The following BCAT1 variants were observed in gnomAD, a reference collection of about 807,000 sequenced individuals.
BCAT1 encodes branched chain amino acid transaminase 1.
In BCAT1, 48 loss-of-function variants were observed where a neutral mutation model predicts 52.4. That is an observed-to-expected ratio of 0.92 (90% confidence interval 0.73 to 1.16). BCAT1 has a LOEUF of 1.16. BCAT1 is among the 50% of genes most tolerant of loss of function. The pLI is 0.00. For synonymous variants in BCAT1, 167 were observed against 161.3 expected (o/e 1.04, Z -0.27); for missense variants, 451 against 457.1 (o/e 0.99, Z 0.12).
intron 1 of BCAT1, among the ~76,000 whole-genome samples, chr12:24,939,902 T>C (rs1465793897): frequency 1.3e-5 from 2 of 152,220 alleles, no homozygotes; most frequent in Non-Finnish European, 2.9e-5. Context: ...ATTTTCTTGA[T>C]AATGACTCTG....
intron 1 of BCAT1, among the ~76,000 whole-genome samples, chr12:24,917,270 G>C (rs1303245085): frequency 1.5e-5 from 2 of 135,322 alleles, no homozygotes; most frequent in East Asian, 4.6e-4. Context: ...GCTCCGTCTT[G>C]CCGCTTCGCG....
intron 8 of BCAT1, among the ~76,000 whole-genome samples, chr12:24,835,071 T>C (rs538878800): frequency 1.6e-3 from 243 of 152,380 alleles, no homozygotes; most frequent in African/African-American, 5.7e-3. Flanking sequence ...CACTTGCAAC[T>C]TGTCGTCGAA....
chr12:24,938,163 C>G (rs1335725516), intron 1 of BCAT1, among the ~76,000 whole-genome samples: 1 of 152,108 alleles, frequency 6.6e-6, no homozygotes, highest in Admixed American at 6.5e-5. Context: ...AGAGAGAGCA[C>G]AGACTCCTGG....
At chr12:24,833,024 C>T (rs1343696200) in intron 8 of BCAT1, among the ~76,000 whole-genome samples, 161 bp from the exon 9 acceptor site, 3 of 152,156 alleles carry the variant, frequency 2.0e-5, no homozygotes, top group Non-Finnish European at 4.4e-5. Context: ...TACTGGTGAA[C>T]ACATCGAGGT....
At chr12:24,925,889 G>A (rs1426325674) in intron 1 of BCAT1, among the ~76,000 whole-genome samples, 1 of 152,246 alleles carries the variant, frequency 6.6e-6, no homozygotes, top group Middle Eastern at 3.2e-3. Context: ...CGTTCACTCA[G>A]TGCTCAATGT....
Position 24,901,884 on chromosome 12 carries a change from T to C in BCAT1, c.8A>G (p.Asp3Gly). 6.2e-7 allele frequency: 1 copy of C among 1,614,002 alleles called. No individual in the cohort carries two copies. Among genetic ancestry groups the C allele is most frequent in the Non-Finnish European group, 8.5e-7 (1 of 1,179,884 alleles). The part of the protein sequence containing the change: MK[D>G]CSNGCSAECT... ...CTCTGCGGAGCATCCGTTACTGCAA[T>C]CCTTAAAGAAGAATTAAACCACCAT... Residue 3 changes from aspartate (D) to glycine (G), a missense_variant and splice_region_variant, in exon 2 of 11, where the codon GAT (aspartate) becomes GGT (glycine). Physicochemically the swap from Asp to Gly is moderately conservative, Grantham distance 94. Transcript: ENST00000261192.
chr12:24,837,261 A>C (rs1941020450), intron 7 of BCAT1, among the ~76,000 whole-genome samples: 2 of 151,634 alleles, frequency 1.3e-5, no homozygotes, highest in African/African-American at 4.8e-5. Context: ...TGAAGTGAAA[A>C]TTTACCTTAG....
chr12:24,910,457 G>C (rs1175991627), intron 1 of BCAT1, among the ~76,000 whole-genome samples: 1 of 152,026 alleles, frequency 6.6e-6, no homozygotes, highest in East Asian at 1.9e-4. Context: ...GTTTGGGGTG[G>C]TTGGTTATAT....
chr12:24,913,874 TAC>T (rs1341822977), intron 1 of BCAT1, among the ~76,000 whole-genome samples: 3 of 152,118 alleles, frequency 2.0e-5, no homozygotes, highest in Non-Finnish European at 4.4e-5. Context: ...TTTATGGCCT[TAC>T]ACAGACAGGC....
intron 1 of BCAT1, among the ~76,000 whole-genome samples, chr12:24,940,312 C>T (rs1943829252): frequency 2.0e-5 from 3 of 151,668 alleles, no homozygotes. Context: ...TCATTTCAAG[C>T]TTCGAAGTGT....
At chr12:24,907,987 G>A (rs928799725) in intron 1 of BCAT1, among the ~76,000 whole-genome samples, 8 of 152,228 alleles carry the variant, frequency 5.3e-5, no homozygotes, top group Middle Eastern at 6.8e-3. Flanking sequence ...ACCCAGTGCC[G>A]GACATGCTGT....
intron 10 of BCAT1, among the ~76,000 whole-genome samples, chr12:24,824,899 T>A (rs1940321648): frequency 6.6e-6 from 1 of 152,152 alleles, no homozygotes; most frequent in African/African-American, 2.4e-5. Context: ...TTTTCCTTTA[T>A]CCTCTACTTC....
intron 3 of BCAT1, among the ~76,000 whole-genome samples, chr12:24,887,203 C>A (rs1384042010): frequency 6.7e-6 from 1 of 148,506 alleles, no homozygotes; most frequent in African/African-American, 2.5e-5. Context: ...CAAAGGTCAT[C>A]TGCCTGCAGG....
At chr12:24,891,033 T>C (rs1159889213) in intron 3 of BCAT1, among the ~76,000 whole-genome samples, 1 of 152,152 alleles carries the variant, frequency 6.6e-6, no homozygotes, top group Admixed American at 6.5e-5. Context: ...TTGACTATTG[T>C]TGTGGTGGTG....
chr12:24,841,976 T>C, intron 7 of BCAT1, 106 bp downstream of exon 7: 3 of 1,300,444 alleles, frequency 2.3e-6, no homozygotes, highest in Non-Finnish European at 3.2e-6. Context: ...TACTTAGCCT[T>C]TGGAACTGTG....
chr12:24,825,056 C>T (rs548251498), intron 10 of BCAT1, among the ~76,000 whole-genome samples: 1 of 151,974 alleles, frequency 6.6e-6, no homozygotes, highest in South Asian at 2.1e-4. Flanking sequence ...CAGTTCCATA[C>T]ATGTTGCTGC....
intron 1 of BCAT1, among the ~76,000 whole-genome samples, chr12:24,930,600 G>A (rs1211400547): frequency 6.6e-6 from 1 of 152,202 alleles, no homozygotes; most frequent in Non-Finnish European, 1.5e-5. Context: ...TTTAGTGAAT[G>A]CCCTGTTGGG....
At chr12:24,825,887 G>C (rs1940374927) in intron 10 of BCAT1, among the ~76,000 whole-genome samples, 1 of 151,994 alleles carries the variant, frequency 6.6e-6, no homozygotes. Context: ...TTTTTGCTTT[G>C]ATAGCCTATG....
At chr12:24,920,823 C>A (rs1943490142) in intron 1 of BCAT1, among the ~76,000 whole-genome samples, 1 of 152,206 alleles carries the variant, frequency 6.6e-6, no homozygotes, top group African/African-American at 2.4e-5. Context: ...CCATGACCCC[C>A]TCTTCCGGTT....
Sources: gnomAD v4.1 joint callset for allele counts (sites outside exome capture counted in the v4.1 genomes callset) on GRCh38, gnomAD v4.1.1 for gene constraint, MANE v1.5 for transcripts, NCBI Gene and HGNC (gene_info 2026-07-23, HGNC 2026-07-21) for gene names.